HHLA2: variants seen among roughly 807,000 people sequenced by gnomAD.
HHLA2 encodes the protein HERV-H LTR-associating protein 2.
HHLA2 carries 48 observed loss-of-function variants against 45.9 expected under a neutral mutation model. The observed-to-expected ratio is 1.05, with a 90% CI of 0.83 to 1.33. The LOEUF (loss-of-function observed/expected upper bound fraction) is 1.33. Among genes scored for constraint, HHLA2 ranks in the 40% most tolerant of loss-of-function variants. The pLI is 0.00. For synonymous variants in HHLA2, 161 were observed against 173.9 expected, an observed-to-expected ratio of 0.93 and a Z score of 0.59; for missense variants, 462 against 494.3, an observed-to-expected ratio of 0.93 and a Z score of 0.62.
chr3:108,341,711 T>C (rs1194793381), intron 3 of HHLA2, among the ~76,000 whole-genome samples: 1 of 152,214 alleles, frequency 6.6e-6, no homozygotes, highest in Non-Finnish European at 1.5e-5. Context: ...TTGGAGACAT[T>C]TGAAAATCCA....
chr3:108,353,338 T>C, intron 4 of HHLA2, 89 bp from the exon 4 acceptor site: 1 of 790,288 alleles, frequency 1.3e-6, no homozygotes, highest in Non-Finnish European at 2.0e-6. Flanking sequence ...GCTGCTAACC[T>C]AGGATAGTTC....
At chr3:108,350,022 T>G (rs1329105028) in intron 3 of HHLA2, among the ~76,000 whole-genome samples, 1 of 152,194 alleles carries the variant, frequency 6.6e-6, no homozygotes, top group Non-Finnish European at 1.5e-5. Flanking sequence ...CAAGGTTTTT[T>G]TTAATGGCAT....
chr3:108,361,339 G>A (rs1406456994), intron 7 of HHLA2, among the ~76,000 whole-genome samples: 2 of 152,146 alleles, frequency 1.3e-5, no homozygotes, highest in Admixed American at 6.5e-5. Context: ...TGCCTTGAAG[G>A]TGAATCCTCC....
intron 8 of HHLA2, among the ~76,000 whole-genome samples, chr3:108,367,297 C>T (rs149330115): frequency 1.3e-5 from 2 of 152,126 alleles, no homozygotes; most frequent in Non-Finnish European, 2.9e-5. Context: ...AATGCTTCTT[C>T]TCTTCCAAAT....
intron 2 of HHLA2, among the ~76,000 whole-genome samples, chr3:108,318,521 G>T (rs534826333): frequency 6.6e-6 from 1 of 152,122 alleles, no homozygotes; most frequent in Non-Finnish European, 1.5e-5. Flanking sequence ...AACAATGCCT[G>T]CACTTAGCTA....
At chr3:108,321,166 T>C (rs925995728) in intron 2 of HHLA2, among the ~76,000 whole-genome samples, 2 of 150,442 alleles carry the variant, frequency 1.3e-5, no homozygotes, top group Admixed American at 1.3e-4. Flanking sequence ...GCATGTCCAT[T>C]TAGACTCACT....
intron 7 of HHLA2, among the ~76,000 whole-genome samples, chr3:108,361,678 G>T (rs1576170280): frequency 6.6e-6 from 1 of 151,822 alleles, no homozygotes; most frequent in South Asian, 2.1e-4. Context: ...CAGTACTAAG[G>T]TTTCAGGCAT....
At chr3:108,359,033 T>C (rs1369527073) in intron 7 of HHLA2, among the ~76,000 whole-genome samples, 2 of 152,172 alleles carry the variant, frequency 1.3e-5, no homozygotes, top group African/African-American at 4.8e-5. Context: ...GAGCTGCCAC[T>C]TTGAGAGTAG....
chr3:108,348,540 T>C (rs9829849), intron 3 of HHLA2, among the ~76,000 whole-genome samples: 102,492 of 151,658 alleles, frequency 0.68, 35,507 homozygotes, highest in African/African-American at 0.77. Context: ...TTTTCTCATG[T>C]TTCTAAGATG....
At chr3:108,321,915 T>C (rs1465722587) in intron 2 of HHLA2, among the ~76,000 whole-genome samples, 1 of 152,222 alleles carries the variant, frequency 6.6e-6, no homozygotes, top group Non-Finnish European at 1.5e-5. Context: ...ATGTCTTTTC[T>C]GTTAATTTCT....
At chr3:108,355,510 C>A in intron 6 of HHLA2, 129 bp downstream of exon 5, 4 of 1,056,782 alleles carry the variant, frequency 3.8e-6, no homozygotes, top group Non-Finnish European at 5.4e-6. Context: ...GTTAGAAGAC[C>A]AAGACCGAAG....
At position 108,358,162 on chromosome 3, in the gene HHLA2, G is replaced by GT. The variant is rs1294369995; in HGVS notation, c.1003+2dup. ...CTTACCATCCACACAGTGCATGTAG[G>GT]TAAGTTGCAAGTAGGTTTGGATAAT... is the stretch of plus-strand genomic sequence containing the variant. On this transcript the variant is annotated splice_donor_variant, in intron 7 of 10. Coordinates refer to ENST00000619531, the Ensembl canonical transcript of HHLA2. LOFTEE classifies it high-confidence loss of function. The GT allele has an allele frequency of 2.5e-6, 4 of 1,593,624 alleles. No individual in the cohort carries two copies. The South Asian group carries it at 4.5e-5, about 18-fold the overall frequency.
chr3:108,300,823 G>T (rs1190330351), intron 1 of HHLA2, among the ~76,000 whole-genome samples: 1 of 152,102 alleles, frequency 6.6e-6, no homozygotes, highest in African/African-American at 2.4e-5. Context: ...GCTTGTAACA[G>T]AAATCTAAAT....
chr3:108,325,735 G>A (rs762995107), intron 2 of HHLA2: 16 of 238,972 alleles, frequency 6.7e-5, no homozygotes, highest in African/African-American at 1.6e-4. Context: ...AGCCGTGCCC[G>A]CAGCCACCAT....
intron 2 of HHLA2, among the ~76,000 whole-genome samples, chr3:108,312,158 C>T (rs2081030555): frequency 6.6e-6 from 1 of 152,190 alleles, no homozygotes; most frequent in South Asian, 2.1e-4. Context: ...CTCTAATCCC[C>T]CCAGACGGTC....
intron 3 of HHLA2, among the ~76,000 whole-genome samples, chr3:108,347,335 C>T (rs2081681488): frequency 6.6e-6 from 1 of 152,120 alleles, no homozygotes; most frequent in Admixed American, 6.6e-5. Context: ...TTATTCAAAA[C>T]ATGAATTAAA....
intron 3 of HHLA2, among the ~76,000 whole-genome samples, chr3:108,344,759 G>A (rs769490665): frequency 6.6e-6 from 1 of 152,178 alleles, no homozygotes; most frequent in Non-Finnish European, 1.5e-5. Context: ...TGTCTGCCGT[G>A]TTAACCCTGG....
chr3:108,317,781 G>A (rs2081127101), intron 2 of HHLA2, among the ~76,000 whole-genome samples: 1 of 151,944 alleles, frequency 6.6e-6, no homozygotes, highest in African/African-American at 2.4e-5. Flanking sequence ...CACCATGTTG[G>A]TCAGGCTGGC....
At chr3:108,326,570 GA>G (rs1360408205) in intron 2 of HHLA2, 3 of 152,134 alleles carry the variant, frequency 2.0e-5, no homozygotes, top group Non-Finnish European at 4.4e-5. Context: ...TTTGGGTGGG[GA>G]TACAGCCAAA....
Sources: gnomAD v4.1 joint callset for allele counts (sites outside exome capture counted in the v4.1 genomes callset) on GRCh38, gnomAD v4.1.1 for gene constraint, MANE v1.5 for transcripts, NCBI Gene and HGNC (gene_info 2026-07-23, HGNC 2026-07-21) for gene names.